Variants in MAP4 observed in about 807,000 individuals in gnomAD.
MAP4 encodes the protein microtubule associated protein 4.
In MAP4, 76 loss-of-function variants were observed where a neutral mutation model predicts 170.2. The observed-to-expected ratio is 0.45, with a 90% CI of 0.37 to 0.54. The LOEUF is 0.54. Among genes scored for constraint, MAP4 ranks in the 20% least tolerant of loss-of-function variants. The probability of loss-of-function intolerance (pLI) is 0.00; values close to 1 mark genes in which losing one functional copy is unlikely to be tolerated. For missense variants in MAP4, 2,506 were observed against 2,748.0 expected, an observed-to-expected ratio of 0.91 and a Z score of 1.97; for synonymous variants, 909 against 994.5, an observed-to-expected ratio of 0.91 and a Z score of 1.62.
Position 47,911,109 on chromosome 3 carries a change from G to A in MAP4, c.3312C>T (p.Val1104=). Residue 1104 remains valine (V), a synonymous_variant, in exon 9 of 21, where the codon GTC becomes GTT. Coordinates refer to ENST00000683076, the MANE Select transcript of MAP4 (RefSeq NM_001385682.1). The surrounding 1 kb of genome is among the most constrained non-coding windows in gnomAD (Gnocchi z 4.0). ...GRAVLIPSEP[V]SKTEGMTTQD... ...GAGTAGTCATTCCTTCAGTTTTAGA[G>A]ACTGGCTCACTCGGTATGAGAACAG... The A allele has an allele frequency of 6.5e-7, 1 of 1,536,132 alleles. No individual in the cohort carries two copies.
intron 10 of MAP4, 97 bp from the exon 11 acceptor site, chr3:47,877,620 A>G (rs2095779739): frequency 2.7e-6 from 2 of 737,616 alleles, no homozygotes; most frequent in Middle Eastern, 3.8e-4. Context: ...ACTAACTAGC[A>G]CTTCATTCTG....
intron 1 of MAP4, among the ~76,000 whole-genome samples, chr3:48,073,066 T>C (rs1487988835): frequency 1.3e-5 from 2 of 149,922 alleles, no homozygotes; most frequent in Non-Finnish European, 3.0e-5. Flanking sequence ...CCCTGTCTAC[T>C]AAAAATGGTG....
intron 2 of MAP4, among the ~76,000 whole-genome samples, chr3:47,985,218 TG>T (rs1297281662): frequency 1.3e-5 from 2 of 151,814 alleles, no homozygotes; most frequent in African/African-American, 4.8e-5. Context: ...AGGCGGAGGT[TG>T]CAGTGAGCCA....
chr3:47,992,984 A>G (rs935473643), intron 2 of MAP4, among the ~76,000 whole-genome samples: 3 of 152,140 alleles, frequency 2.0e-5, no homozygotes, highest in Non-Finnish European at 4.4e-5. Flanking sequence ...AAAAGGATAA[A>G]ACATCAGTTT....
chr3:48,077,136 G>T (rs1199183020), intron 1 of MAP4, among the ~76,000 whole-genome samples: 1 of 149,894 alleles, frequency 6.7e-6, no homozygotes, highest in African/African-American at 2.5e-5. Context: ...GACAGAGCAA[G>T]ATCTTGTCTC....
Position 47,910,147 on chromosome 3 carries a change from A to G in MAP4, c.4274T>C (p.Leu1425Pro). ...TFTCPRTPSE[L>P]INKSSPLEVL... ...CTCTAGAGGAGATGATTTATTTATC[A>G]GCTCTGATGGTGTTCTGGGACAGGT... The change falls in exon 9 of 21, where the codon CTG (leucine) becomes CCG (proline). Residue 1425 changes from leucine (L) to proline (P), a missense_variant. By Grantham distance (98) the Leu-to-Pro change is moderately conservative. Coordinates refer to ENST00000683076, the MANE Select transcript of MAP4 (RefSeq NM_001385682.1). 1.9e-6 allele frequency: 3 copies of G among 1,614,010 alleles called. No homozygotes were observed. The highest frequency in any genetic ancestry group is 2.5e-6 in the Non-Finnish European group (3 of 1,179,886).
At chr3:47,898,496 G>A (rs1474816249) in intron 10 of MAP4, among the ~76,000 whole-genome samples, 4 of 143,726 alleles carry the variant, frequency 2.8e-5, no homozygotes, top group African/African-American at 7.8e-5. Flanking sequence ...GCGAGACTCC[G>A]CCTCAAAAAA....
Position 47,959,600 on chromosome 3 carries a change from C to CA in MAP4, c.292+18264dup, listed in dbSNP as rs539106136. The stretch of plus-strand genomic sequence containing the variant: ...TGAAACCCCGTCTCTACTAAAAATA[C>CA]AAAAAGAAATTAGCCGGACGTGGTG... On this transcript the variant is annotated intron_variant, in intron 3 of 20. Transcript: ENST00000683076. Among the ~76,000 whole-genome samples, 675 of 151,676 alleles carry CA rather than the reference C, an allele frequency of 4.5e-3. 5 individuals carry two copies. The highest frequency in any genetic ancestry group is 6.8e-3 in the Non-Finnish European group (463 of 67,920).
At chr3:48,039,461 T>A (rs556537713) in intron 1 of MAP4, 3 of 153,428 alleles carry the variant, frequency 2.0e-5, no homozygotes, top group African/African-American at 7.2e-5. Flanking sequence ...ACAGGAAGGC[T>A]CTCCTTCAGA....
At chr3:48,056,149 A>G (rs62260843) in intron 1 of MAP4, among the ~76,000 whole-genome samples, 515 of 115,616 alleles carry the variant, frequency 4.5e-3, no homozygotes, top group Middle Eastern at 0.023. Context: ...CAGCCGCCCC[A>G]TCCGGGAGGG....
intron 3 of MAP4, among the ~76,000 whole-genome samples, chr3:47,948,916 C>T (rs557166339): frequency 8.5e-5 from 13 of 152,280 alleles, no homozygotes; most frequent in Non-Finnish European, 1.5e-4. Flanking sequence ...CCACTGCGCC[C>T]GGCCGATCAA....
At chr3:48,000,565 A>G (rs1206173753) in intron 1 of MAP4, among the ~76,000 whole-genome samples, 1 of 152,190 alleles carries the variant, frequency 6.6e-6, no homozygotes, top group Non-Finnish European at 1.5e-5. Flanking sequence ...CAAGAAGAAG[A>G]CAGTTGGAAA....
intron 10 of MAP4, among the ~76,000 whole-genome samples, chr3:47,901,533 G>A (rs1035734888): frequency 6.6e-6 from 1 of 151,856 alleles, no homozygotes; most frequent in South Asian, 2.1e-4. Flanking sequence ...AAAATTAGCC[G>A]GGCACGGAGG....
At chr3:47,894,092 T>C (rs186204769) in intron 10 of MAP4, among the ~76,000 whole-genome samples, 261 of 151,268 alleles carry the variant, frequency 1.7e-3, no homozygotes, top group Middle Eastern at 0.01. Flanking sequence ...AAACTGAACA[T>C]GAACTGAGCC....
At chr3:48,035,833 G>A (rs1167824994) in intron 1 of MAP4, among the ~76,000 whole-genome samples, 6 of 151,946 alleles carry the variant, frequency 3.9e-5, no homozygotes, top group Non-Finnish European at 5.9e-5. Flanking sequence ...CCAGCTACTC[G>A]GGAGGCTGAG....
chr3:47,928,408 C>A, intron 3 of MAP4, 58 bp from the exon 4 acceptor site: 2 of 1,528,708 alleles, frequency 1.3e-6, no homozygotes, highest in Non-Finnish European at 1.8e-6. Context: ...TCCTCCACTA[C>A]AGTGGAATTT....
At position 47,891,766 on chromosome 3, in the gene MAP4, G is replaced by T. The variant is rs1246170043; in HGVS notation, c.5434+11184C>A. On this transcript the variant is annotated intron_variant, in intron 10 of 20. Transcript: ENST00000683076. ...TGGTGGTGGGTGAATGCTCAATAAT[G>T]GGGGCTGGGTGGGCTAGAGACACCA... 3.3e-6 allele frequency: 5 copies of T among 1,536,572 alleles called. No individual in the cohort carries two copies. The Admixed American group carries it at 9.8e-5, about 30-fold the overall frequency.
intron 10 of MAP4, among the ~76,000 whole-genome samples, chr3:47,887,853 G>T (rs558887041): frequency 6.8e-4 from 101 of 149,212 alleles, no homozygotes; most frequent in Non-Finnish European, 1.3e-3. Flanking sequence ...TACACCAATC[G>T]GCACTCTGTA....
At chr3:47,943,774 CTT>C (rs1445420727) in intron 3 of MAP4, among the ~76,000 whole-genome samples, 1 of 152,066 alleles carries the variant, frequency 6.6e-6, no homozygotes, top group Non-Finnish European at 1.5e-5. Context: ...AAGGAGATAA[CTT>C]TAAGATCACA....
Sources: allele counts gnomAD v4.1 joint callset (sites outside exome capture counted in the v4.1 genomes callset), GRCh38; gene constraint gnomAD v4.1.1; non-coding constraint Gnocchi (gnomAD v3.1); transcripts MANE v1.5; gene names NCBI Gene and HGNC (gene_info 2026-07-23, HGNC 2026-07-21).